Variants in GPR141 observed in about 807,000 individuals in gnomAD.
GPR141 encodes the protein G protein-coupled receptor 141.
GPR141 carries 6 observed loss-of-function variants against 6.8 expected under a neutral mutation model. That is an observed-to-expected ratio of 0.88 (90% CI 0.48 to 1.74). The LOEUF (loss-of-function observed/expected upper bound fraction) is 1.74, where lower values mean the gene tolerates loss of function less well. Ranked by LOEUF, GPR141 falls within the 40% of genes most tolerant of loss-of-function variation. GPR141 has a pLI of 0.01. For synonymous variants in GPR141, 140 were observed against 142.3 expected (o/e 0.98, Z 0.11); for missense variants, 372 against 372.9 (o/e 1.00, Z 0.02).
At chr7:37,724,288 T>C (rs1478650796) in intron 2 of GPR141, among the ~76,000 whole-genome samples, 1 of 151,988 alleles carries the variant, frequency 6.6e-6, no homozygotes, top group South Asian at 2.1e-4. Context: ...CTAAAAAATA[T>C]ATATATACAT....
intron 2 of GPR141, among the ~76,000 whole-genome samples, chr7:37,716,635 G>A (rs1373008636): frequency 2.6e-5 from 4 of 152,202 alleles, no homozygotes; most frequent in African/African-American, 9.6e-5. Context: ...CAAAAAATCA[G>A]AAGTGTGTGG....
At chr7:37,724,944 A>G (rs529400706) in intron 2 of GPR141, among the ~76,000 whole-genome samples, 2 of 152,186 alleles carry the variant, frequency 1.3e-5, no homozygotes, top group African/African-American at 4.8e-5. Flanking sequence ...CCAGACTGAG[A>G]CACAGAACCT....
chr7:37,689,992 T>A (rs1041788338), intron 2 of GPR141, among the ~76,000 whole-genome samples: 3 of 152,070 alleles, frequency 2.0e-5, no homozygotes, highest in Non-Finnish European at 4.4e-5. Flanking sequence ...ACATTGTTTA[T>A]TTGAAATCTT....
At chr7:37,690,840 A>T (rs1010548350) in intron 2 of GPR141, among the ~76,000 whole-genome samples, 1 of 152,044 alleles carries the variant, frequency 6.6e-6, no homozygotes, top group Admixed American at 6.6e-5. Context: ...TTTCATCCAA[A>T]GTGCAGCTTA....
chr7:37,687,360 C>T (rs988311077), intron 2 of GPR141, among the ~76,000 whole-genome samples: 3 of 152,086 alleles, frequency 2.0e-5, no homozygotes, highest in African/African-American at 7.3e-5. Context: ...TAGTTGGTGT[C>T]ATGCCTGAGA....
At chr7:37,714,679 G>T (rs1810963250) in intron 2 of GPR141, among the ~76,000 whole-genome samples, 1 of 152,080 alleles carries the variant, frequency 6.6e-6, no homozygotes, top group Non-Finnish European at 1.5e-5. Flanking sequence ...CCCTTCCATT[G>T]TCCTCACTTT....
intron 2 of GPR141, among the ~76,000 whole-genome samples, chr7:37,688,151 A>G (rs1809594173): frequency 6.6e-6 from 1 of 152,136 alleles, no homozygotes; most frequent in Non-Finnish European, 1.5e-5. Context: ...ACTACTATGT[A>G]GTAGGCTGGG....
In GPR141 at chr7:37,740,678, G is replaced by A. The variant is rs755191725; in HGVS notation, c.285G>A (p.Leu95=). The change falls in exon 3 of 3, where the codon CTG becomes CTA. Residue 95 remains leucine (L), a synonymous_variant. Coordinates refer to ENST00000334425, the MANE Select transcript of GPR141 (RefSeq NM_001381946.1). The part of the protein sequence containing the change: ...LPFCKFVSAM[L]HIHMYLTFLF... ...TCTGCAAATTTGTGAGTGCCATGCTGCACATCCACATGTACCTCACGTTCC... is the reference window on the plus strand; with the variant it reads ...TCTGCAAATTTGTGAGTGCCATGCTACACATCCACATGTACCTCACGTTCC... The A allele has an allele frequency of 1.2e-5, 20 of 1,613,996 alleles. No homozygotes were observed. In the East Asian group the frequency reaches 2.9e-4, roughly 23 times the overall value.
intron 2 of GPR141, among the ~76,000 whole-genome samples, chr7:37,686,670 A>G (rs1340715669): frequency 2.0e-5 from 3 of 152,148 alleles, no homozygotes; most frequent in African/African-American, 7.2e-5. Context: ...ATTACGTACC[A>G]TAGATAGTGA....
At chr7:37,714,824 A>G (rs1279199915) in intron 2 of GPR141, among the ~76,000 whole-genome samples, 1 of 152,230 alleles carries the variant, frequency 6.6e-6, no homozygotes, top group East Asian at 1.9e-4. Context: ...AACAGGATGT[A>G]AGCTATTATG....
chr7:37,737,054 A>G (rs534212220), intron 2 of GPR141, among the ~76,000 whole-genome samples: 1 of 152,274 alleles, frequency 6.6e-6, no homozygotes, highest in South Asian at 2.1e-4. Flanking sequence ...CAAGAGTCAA[A>G]ATTTCTATTT....
At chr7:37,735,596 A>G (rs1339783548) in intron 2 of GPR141, among the ~76,000 whole-genome samples, 1 of 152,206 alleles carries the variant, frequency 6.6e-6, no homozygotes, top group African/African-American at 2.4e-5. Flanking sequence ...GGCAGAAAGG[A>G]TGACCCCTCT....
At chr7:37,722,090 T>A (rs1484926579) in intron 2 of GPR141, among the ~76,000 whole-genome samples, 1 of 152,226 alleles carries the variant, frequency 6.6e-6, no homozygotes, top group East Asian at 1.9e-4. Context: ...TTAATCTATA[T>A]CCACAAATAC....
chr7:37,740,552 G>A lies in GPR141; in HGVS notation c.159G>A (p.Met53Ile), dbSNP rs1428259741. ...VKMNTRSVTT[M>I]AVINLVVVHS... Reference sequence around the variant, plus strand: ...TGAACACCCGGTCAGTGACCACCATGGCGGTCATTAACTTGGTGGTGGTCC... The same window carrying A: ...TGAACACCCGGTCAGTGACCACCATAGCGGTCATTAACTTGGTGGTGGTCC... Residue 53 changes from methionine (M) to isoleucine (I), a missense_variant, in exon 3 of 3, where the codon ATG becomes ATA. Met to Ile is a conservative substitution (Grantham distance 10, BLOSUM62 1). Coordinates refer to ENST00000334425, the MANE Select transcript of GPR141 (RefSeq NM_001381946.1). 5.6e-6 allele frequency: 9 copies of A among 1,613,992 alleles called. No individual in the cohort carries two copies. The Admixed American group carries it at 1.2e-4, about 21-fold the overall frequency.
intron 2 of GPR141, among the ~76,000 whole-genome samples, chr7:37,719,870 G>C (rs1028740484): frequency 2.6e-5 from 4 of 152,122 alleles, no homozygotes; most frequent in Non-Finnish European, 5.9e-5. Flanking sequence ...AGAGTGTGAG[G>C]AGGAGCTTGA....
At chr7:37,712,297 C>T (rs1413111922) in intron 2 of GPR141, among the ~76,000 whole-genome samples, 4 of 152,252 alleles carry the variant, frequency 2.6e-5, no homozygotes, top group East Asian at 3.9e-4. Context: ...CTATTCACCT[C>T]CATATCTCCT....
chr7:37,723,530 C>A (rs1353616655), intron 2 of GPR141, among the ~76,000 whole-genome samples: 2 of 152,036 alleles, frequency 1.3e-5, no homozygotes, highest in Non-Finnish European at 2.9e-5. Context: ...CAGAGTGAAT[C>A]TTGTGAAATG....
chr7:37,707,166 C>T (rs1298077090), intron 2 of GPR141, among the ~76,000 whole-genome samples: 1 of 152,148 alleles, frequency 6.6e-6, no homozygotes, highest in Non-Finnish European at 1.5e-5. Context: ...AGAACGTCTA[C>T]ATAATAATAG....
rs142619390 is a variant in GPR141 at position 37,710,720 on chromosome 7, C to A, written c.-15+25137C>A. On this transcript the variant is annotated intron_variant, in intron 2 of 2. Coordinates refer to ENST00000334425, the MANE Select transcript of GPR141 (RefSeq NM_001381946.1). ...ATGCCCACAGTCTGAGTGCCAGGGA[C>A]GCTTATTGCAACTCTGATGGTTATT... Among the ~76,000 whole-genome samples the A allele has an allele frequency of 5.3e-5, 8 of 152,108 alleles. 1 individual carries two copies. In the South Asian group the frequency reaches 1.7e-3, roughly 32 times the overall value.
Sources: allele counts gnomAD v4.1 joint callset (sites outside exome capture counted in the v4.1 genomes callset), GRCh38; gene constraint gnomAD v4.1.1; transcripts MANE v1.5; gene names NCBI Gene and HGNC (gene_info 2026-07-23, HGNC 2026-07-21).